GPR149: variants seen among roughly 807,000 people sequenced by gnomAD.
The protein encoded by GPR149 is probable G protein-coupled receptor 149.
In GPR149, 50 loss-of-function variants were observed where a neutral mutation model predicts 50.2. The observed-to-expected ratio is 1.00, with a 90% confidence interval of 0.79 to 1.26. GPR149 has a LOEUF of 1.26. GPR149 is among the 50% of genes most tolerant of loss of function. The pLI is 0.00. For missense variants in GPR149, 983 were observed against 895.4 expected, an observed-to-expected ratio of 1.10 and a Z score of -1.25; for synonymous variants, 405 against 358.2, an observed-to-expected ratio of 1.13 and a Z score of -1.48.
chr3:154,408,441 G>A (rs1441052757), intron 3 of GPR149, among the ~76,000 whole-genome samples: 1 of 152,176 alleles, frequency 6.6e-6, no homozygotes, highest in Non-Finnish European at 1.5e-5. Context: ...TTCTCAGCCT[G>A]GTCACTGGCT....
Position 154,429,331 on chromosome 3 carries a change from GT to G in GPR149, c.284del (p.Asn95ThrfsTer16), listed in dbSNP as rs749551907. 45 of 1,614,068 alleles carry G rather than the reference GT, an allele frequency of 2.8e-5. No individual in the cohort carries two copies. In the Admixed American group the frequency reaches 7.5e-4, roughly 27 times the overall value. On this transcript the variant is annotated frameshift_variant, in exon 1 of 4. Transcript: ENST00000389740. LOFTEE classifies it high-confidence loss of function. ...GAAATTGGAAGTAACCGGGGACCTC[GT>G]TTGGCCACTGCAAAAACATGAAGAT... is the stretch of plus-strand genomic sequence containing the variant. ...VTIFMFLQWP[N>X]EVPGYFQFLC...
At position 154,429,224 on chromosome 3, in the gene GPR149, A is replaced by C. The variant is rs746070295; in HGVS notation, c.392T>G (p.Phe131Cys). The C allele has an allele frequency of 6.8e-6, 11 of 1,614,166 alleles. No individual in the cohort carries two copies. In the South Asian group the frequency reaches 1.2e-4, roughly 18 times the overall value. Residue 131 changes from phenylalanine to cysteine, a missense_variant, in exon 1 of 4, where the codon TTT (phenylalanine) becomes TGT (cysteine). Physicochemically the swap from Phe to Cys is radical, Grantham distance 205. Coordinates refer to ENST00000389740, the MANE Select transcript of GPR149 (RefSeq NM_001038705.3). ...LKATLLVSYN[F>C]YTMHRGVGSQ... Reference sequence around the variant, plus strand: ...CCCCACACCTCTGTGCATCGTATAAAAGTTGTAAGAGACTAGGAGAGTCGC... The same window carrying C: ...CCCCACACCTCTGTGCATCGTATAACAGTTGTAAGAGACTAGGAGAGTCGC...
chr3:154,399,090 C>A (rs1404379818), intron 3 of GPR149, among the ~76,000 whole-genome samples: 2 of 152,122 alleles, frequency 1.3e-5, no homozygotes, highest in Non-Finnish European at 2.9e-5. Flanking sequence ...CTAGTCCCAA[C>A]CTGCTGGGAT....
chr3:154,412,247 CT>C (rs1215736328), intron 3 of GPR149, among the ~76,000 whole-genome samples: 1 of 151,890 alleles, frequency 6.6e-6, no homozygotes, highest in Non-Finnish European at 1.5e-5. Flanking sequence ...CAACATTATA[CT>C]GAACAGGGAA....
At chr3:154,350,232 T>C (rs769116111) in intron 3 of GPR149, among the ~76,000 whole-genome samples, 1 of 152,000 alleles carries the variant, frequency 6.6e-6, no homozygotes, top group Non-Finnish European at 1.5e-5. Flanking sequence ...ACAAAAATTG[T>C]ACAGACCAGA....
chr3:154,398,078 T>C (rs1429975414), intron 3 of GPR149, among the ~76,000 whole-genome samples: 2 of 152,170 alleles, frequency 1.3e-5, no homozygotes, highest in Non-Finnish European at 2.9e-5. Flanking sequence ...CTTATATATA[T>C]ACACACTTAT....
intron 3 of GPR149, among the ~76,000 whole-genome samples, chr3:154,374,039 G>A (rs701130): frequency 0.67 from 102,036 of 151,982 alleles, 35,168 homozygotes; most frequent in Non-Finnish European, 0.76. Flanking sequence ...TATCTTTTGG[G>A]TGCTTAGAGT....
At chr3:154,352,142 A>G in intron 3 of GPR149, 1 of 729,478 alleles carries the variant, frequency 1.4e-6, no homozygotes, top group Non-Finnish European at 2.2e-6. Context: ...ATATTCAGTC[A>G]AAACTCCATT....
chr3:154,398,146 C>T (rs1045097779), intron 3 of GPR149, among the ~76,000 whole-genome samples: 2 of 152,102 alleles, frequency 1.3e-5, no homozygotes, highest in Non-Finnish European at 2.9e-5. Flanking sequence ...TATCAACACA[C>T]CATTGGGATA....
At chr3:154,351,627 A>C (rs1714083220) in intron 3 of GPR149, among the ~76,000 whole-genome samples, 2 of 152,178 alleles carry the variant, frequency 1.3e-5, no homozygotes, top group African/African-American at 4.8e-5. Flanking sequence ...ACTTACTAAA[A>C]GTTTTCAGAT....
intron 3 of GPR149, chr3:154,353,973 A>G (rs1182064746): frequency 2.1e-6 from 1 of 478,106 alleles, no homozygotes; most frequent in Non-Finnish European, 3.9e-6. Context: ...TTATCACTTG[A>G]TTTATGAGTA....
At chr3:154,371,423 C>T (rs548149954) in intron 3 of GPR149, among the ~76,000 whole-genome samples, 3 of 152,268 alleles carry the variant, frequency 2.0e-5, no homozygotes, top group Admixed American at 6.5e-5. Flanking sequence ...TCTCGCCACA[C>T]GTGAGCCCTT....
chr3:154,356,664 G>T (rs1714235095), intron 3 of GPR149, among the ~76,000 whole-genome samples: 1 of 152,058 alleles, frequency 6.6e-6, no homozygotes, highest in Non-Finnish European at 1.5e-5. Context: ...ACAAACCACT[G>T]CTCAATGAAA....
intron 3 of GPR149, among the ~76,000 whole-genome samples, chr3:154,381,999 T>A (rs527716530): frequency 6.6e-6 from 1 of 152,284 alleles, no homozygotes; most frequent in African/African-American, 2.4e-5. Context: ...ATGATAAGGT[T>A]TTTTCTAATA....
At chr3:154,359,420 AG>A (rs2108394253) in intron 3 of GPR149, among the ~76,000 whole-genome samples, 1 of 152,344 alleles carries the variant, frequency 6.6e-6, no homozygotes, top group African/African-American at 2.4e-5. Flanking sequence ...AATCAGAGAC[AG>A]ACAGAAGAAA....
chr3:154,363,805 T>C (rs1230559064), intron 3 of GPR149, among the ~76,000 whole-genome samples: 1 of 151,964 alleles, frequency 6.6e-6, no homozygotes, highest in Non-Finnish European at 1.5e-5. Flanking sequence ...TCAGCGTGCA[T>C]TCCCCTATTT....
At chr3:154,387,348 G>T (rs1715067278) in intron 3 of GPR149, among the ~76,000 whole-genome samples, 1 of 152,154 alleles carries the variant, frequency 6.6e-6, no homozygotes, top group Admixed American at 6.5e-5. Flanking sequence ...TGTTCCTTCT[G>T]ATCTCTGAGT....
At chr3:154,349,032 A>T (rs1431097323) in intron 3 of GPR149, among the ~76,000 whole-genome samples, 1 of 152,154 alleles carries the variant, frequency 6.6e-6, no homozygotes, top group East Asian at 1.9e-4. Context: ...TCTAAGAGTT[A>T]AAAAGGTAGT....
chr3:154,412,893 A>C (rs1444752965), intron 3 of GPR149, among the ~76,000 whole-genome samples: 2 of 152,026 alleles, frequency 1.3e-5, no homozygotes, highest in African/African-American at 4.8e-5. Context: ...CATTTCCAAA[A>C]TTCAAACTAT....
Sources: gnomAD v4.1 joint callset for allele counts (sites outside exome capture counted in the v4.1 genomes callset) on GRCh38, gnomAD v4.1.1 for gene constraint, MANE v1.5 for transcripts, NCBI Gene and HGNC (gene_info 2026-07-23, HGNC 2026-07-21) for gene names.